The following PTPRD variants were observed in gnomAD, a reference collection of about 807,000 sequenced individuals.
PTPRD encodes the protein protein tyrosine phosphatase receptor type D.
A neutral mutation model predicts 214.5 loss-of-function variants in PTPRD; 34 were observed. The ratio of observed to expected loss-of-function variants is 0.16; its 90% confidence interval spans 0.12 to 0.21. The LOEUF (loss-of-function observed/expected upper bound fraction) is 0.21. Ranked by LOEUF, PTPRD falls within the 10% of genes least tolerant of loss-of-function variation. The probability of loss-of-function intolerance (pLI) is 1.00; values close to 1 mark genes in which losing one functional copy is unlikely to be tolerated. For synonymous variants in PTPRD, 1,128 were observed against 845.7 expected, an observed-to-expected ratio of 1.33 and a Z score of -5.79; for missense variants, 2,545 against 2,398.7, an observed-to-expected ratio of 1.06 and a Z score of -1.27.
intron 5 of PTPRD, among the ~76,000 whole-genome samples, chr9:9,933,647 C>T (rs550521400): frequency 0.037 from 5,561 of 148,978 alleles, 20 homozygotes; most frequent in Non-Finnish European, 0.054. Flanking sequence ...TAACACCCCA[C>T]TGTCAACATT....
chr9:8,682,279 G>A (rs937340210), intron 12 of PTPRD, among the ~76,000 whole-genome samples: 4 of 152,070 alleles, frequency 2.6e-5, no homozygotes, highest in African/African-American at 7.2e-5. Context: ...ATGAGACTTC[G>A]ACTCCTACCG....
At chr9:10,177,992 G>A (rs148130056) in intron 3 of PTPRD, among the ~76,000 whole-genome samples, 27 of 151,996 alleles carry the variant, frequency 1.8e-4, no homozygotes, top group Admixed American at 5.2e-4. Context: ...TAAACTAGAG[G>A]AGCACTTTCT....
chr9:10,551,131 C>T (rs1201824818), intron 2 of PTPRD, among the ~76,000 whole-genome samples: 1 of 152,034 alleles, frequency 6.6e-6, no homozygotes, highest in Non-Finnish European at 1.5e-5. Context: ...GCCAGAAGTC[C>T]AAGACCAGCC....
intron 3 of PTPRD, among the ~76,000 whole-genome samples, chr9:10,232,815 A>T (rs923179742): frequency 3.3e-5 from 5 of 151,974 alleles, no homozygotes; most frequent in African/African-American, 1.2e-4. Context: ...AACTCAACTC[A>T]CACAAAACAG....
intron 11 of PTPRD, among the ~76,000 whole-genome samples, chr9:9,001,533 T>A (rs1409850494): frequency 6.6e-6 from 1 of 151,946 alleles, no homozygotes; most frequent in Non-Finnish European, 1.5e-5. Flanking sequence ...CACCACAGGC[T>A]TCTTTAGGTT....
At chr9:9,726,819 G>A (rs984431082) in intron 7 of PTPRD, among the ~76,000 whole-genome samples, 25 of 152,232 alleles carry the variant, frequency 1.6e-4, no homozygotes, top group African/African-American at 5.8e-4. Flanking sequence ...AATAAGGGAG[G>A]AGAATGAAAA....
chr9:10,340,870 T>G (rs1288852679), intron 3 of PTPRD, 93 bp downstream of exon 3: 1 of 151,930 alleles, frequency 6.6e-6, no homozygotes, highest in South Asian at 2.1e-4. Flanking sequence ...GTTTCATGTT[T>G]TAAATATTAT....
At chr9:10,394,624 T>A (rs942453572) in intron 2 of PTPRD, among the ~76,000 whole-genome samples, 9 of 152,054 alleles carry the variant, frequency 5.9e-5, no homozygotes, top group Non-Finnish European at 1.3e-4. Flanking sequence ...AGTGAGTAAC[T>A]CGCACATCCT....
intron 2 of PTPRD, among the ~76,000 whole-genome samples, chr9:10,502,536 C>T (rs1418343454): frequency 1.3e-5 from 2 of 152,002 alleles, no homozygotes; most frequent in Non-Finnish European, 2.9e-5. Flanking sequence ...CAGATGTTCT[C>T]ATAAGTTCTG....
chr9:10,097,254 G>GT (rs1472888995), intron 3 of PTPRD, among the ~76,000 whole-genome samples: 4 of 147,878 alleles, frequency 2.7e-5, no homozygotes, highest in Non-Finnish European at 6.0e-5. Context: ...CTTTAAAGTA[G>GT]TTTTTTCCAA....
At chr9:9,372,616 T>A (rs1261246487) in intron 9 of PTPRD, among the ~76,000 whole-genome samples, 1 of 152,166 alleles carries the variant, frequency 6.6e-6, no homozygotes, top group Admixed American at 6.6e-5. Context: ...CATTTACGTT[T>A]AAGGTTAATA....
rs577383918 is a variant in PTPRD at position 9,649,394 on chromosome 9, G to A, written c.-286-74613C>T. Among the ~76,000 whole-genome samples the A allele has an allele frequency of 1.3e-3, 205 of 152,216 alleles. 3 individuals are homozygous for A. Among genetic ancestry groups the A allele is most frequent in the Middle Eastern group, 3.4e-3 (1 of 294 alleles). ...AAATCAGAGAAAAATTTGAATGGCA[G>A]CAGTGATTATAAACTGCTTAAGTTT... On this transcript the variant is annotated intron_variant, in intron 7 of 45. Transcript: ENST00000381196.
chr9:9,343,270 G>C (rs1351203773), intron 9 of PTPRD, among the ~76,000 whole-genome samples: 1 of 152,024 alleles, frequency 6.6e-6, no homozygotes, highest in Non-Finnish European at 1.5e-5. Context: ...TGGGTCAAAT[G>C]GTATTTCTGG....
rs79459634 is a variant in PTPRD, at chr9:8,676,043, G to C, written c.65-39199C>G. 4.8e-3 allele frequency among the ~76,000 whole-genome samples: 730 copies of C among 152,242 alleles called. 4 individuals carry two copies. The highest frequency in any genetic ancestry group is 0.017 in the African/African-American group (694 of 41,528). ...TATCCCATTTTGACCAATAGTGAGT[G>C]CCTTTCATACAAACCTATACAATAA... is the stretch of plus-strand genomic sequence containing the variant. On this transcript the variant is annotated intron_variant, in intron 12 of 45. Coordinates refer to ENST00000381196, the MANE Select transcript of PTPRD (RefSeq NM_002839.4).
chr9:9,223,443 A>G (rs555532115), intron 9 of PTPRD, among the ~76,000 whole-genome samples: 1 of 152,146 alleles, frequency 6.6e-6, no homozygotes, highest in East Asian at 1.9e-4. Context: ...TCTCTAGTTC[A>G]CACAGATTAA....
At chr9:10,459,151 C>T (rs564024552) in intron 2 of PTPRD, among the ~76,000 whole-genome samples, 54 of 152,166 alleles carry the variant, frequency 3.5e-4, no homozygotes, top group Admixed American at 1.2e-3. Flanking sequence ...ATCTGGTGTT[C>T]GGTTCTCTGT....
intron 4 of PTPRD, among the ~76,000 whole-genome samples, chr9:9,949,983 G>C (rs1333308938): frequency 6.6e-6 from 1 of 152,074 alleles, no homozygotes; most frequent in Non-Finnish European, 1.5e-5. Flanking sequence ...TTTTGTTTCT[G>C]CAACCAAGCT....
intron 9 of PTPRD, among the ~76,000 whole-genome samples, chr9:9,191,692 A>G (rs955190224): frequency 1.3e-5 from 2 of 152,102 alleles, no homozygotes; most frequent in Non-Finnish European, 2.9e-5. Flanking sequence ...CCATTGAAAT[A>G]TGGTGCACTA....
intron 5 of PTPRD, among the ~76,000 whole-genome samples, chr9:9,792,054 G>C (rs1176052327): frequency 6.6e-6 from 1 of 151,672 alleles, no homozygotes; most frequent in African/African-American, 2.4e-5. Flanking sequence ...TAATCGAATG[G>C]GACTCCAAGG....
Sources: allele counts gnomAD v4.1 joint callset (sites outside exome capture counted in the v4.1 genomes callset), GRCh38; gene constraint gnomAD v4.1.1; transcripts MANE v1.5; gene names NCBI Gene and HGNC (gene_info 2026-07-23, HGNC 2026-07-21).